Variants in PAAF1 observed in about 807,000 individuals in gnomAD.
The protein encoded by PAAF1 is proteasomal ATPase associated factor 1.
Under a neutral mutation model 52.8 loss-of-function variants are expected in PAAF1, and 46 were observed. That is an observed-to-expected ratio of 0.87 (90% CI 0.69 to 1.11). The LOEUF is 1.11. Ranked by LOEUF, PAAF1 falls within the 50% of genes most tolerant of loss-of-function variation. The pLI, the probability that PAAF1 is intolerant of heterozygous loss-of-function variation, is 0.00. For synonymous variants in PAAF1, 178 were observed against 172.8 expected (o/e 1.03, Z -0.24); for missense variants, 424 against 477.4 (o/e 0.89, Z 1.04).
intron 8 of PAAF1, 48 bp downstream of exon 8, chr11:73,914,552 C>T: frequency 2.0e-6 from 3 of 1,518,078 alleles, no homozygotes; most frequent in Non-Finnish European, 2.7e-6. Flanking sequence ...ACCTGGGTCA[C>T]TCTGTGTCTT....
At chr11:73,878,067 G>C (rs1948792793) in intron 1 of PAAF1, among the ~76,000 whole-genome samples, 1 of 152,162 alleles carries the variant, frequency 6.6e-6, no homozygotes, top group Admixed American at 6.5e-5. Context: ...TGGTGAAGAT[G>C]AATGAAACAT....
At chr11:73,914,048 A>C (rs1481908791) in intron 7 of PAAF1, among the ~76,000 whole-genome samples, 4 of 152,162 alleles carry the variant, frequency 2.6e-5, no homozygotes, top group Non-Finnish European at 4.4e-5. Flanking sequence ...ACAACATACT[A>C]GACTCTGTCT....
At chr11:73,923,911 A>C (rs1213915102) in intron 10 of PAAF1, among the ~76,000 whole-genome samples, 2 of 152,110 alleles carry the variant, frequency 1.3e-5, no homozygotes, top group Non-Finnish European at 2.9e-5. Context: ...GAACATTTTA[A>C]TAGGGAATAT....
intron 2 of PAAF1, among the ~76,000 whole-genome samples, chr11:73,886,132 G>A (rs976881807): frequency 6.6e-6 from 1 of 152,090 alleles, no homozygotes; most frequent in Non-Finnish European, 1.5e-5. Context: ...ATCTTACTTA[G>A]CCCATATCTC....
In PAAF1 at chr11:73,893,754, A is replaced by G. The variant is rs964880587; in HGVS notation, c.282+2553A>G. 1.5e-3 allele frequency among the ~76,000 whole-genome samples: 227 copies of G among 151,062 alleles called. 1 individual carries two copies. The highest frequency in any genetic ancestry group is 5.4e-3 in the African/African-American group (224 of 41,218). ...CTCTGTCTCCAAAAAAAAAAAAAAAAAAAAAAAGAAAGAAAAAACTAAACG... is the reference window on the plus strand; with the variant it reads ...CTCTGTCTCCAAAAAAAAAAAAAAAGAAAAAAAGAAAGAAAAAACTAAACG... On this transcript the variant is annotated intron_variant, in intron 4 of 11. Coordinates refer to ENST00000310571, the MANE Select transcript of PAAF1 (RefSeq NM_025155.3).
At chr11:73,904,778 T>C (rs571129731) in intron 6 of PAAF1, among the ~76,000 whole-genome samples, 13 of 152,354 alleles carry the variant, frequency 8.5e-5, no homozygotes, top group African/African-American at 2.9e-4. Flanking sequence ...CCTGGGAATA[T>C]GAAATTTGCT....
In PAAF1 at chr11:73,909,505, C is replaced by T; in HGVS notation, c.639C>T (p.Val213=). Residue 213 remains valine, a synonymous_variant, in exon 7 of 12, where the codon GTC becomes GTT. Coordinates refer to ENST00000310571, the MANE Select transcript of PAAF1 (RefSeq NM_025155.3). The stretch of plus-strand genomic sequence containing the variant: ...GTGGGCGCTCAGCCTGCTTGGGAGT[C>T]CTTGCAGATTGTGGTTCTTCTATCA... ...WDCGRSACLG[V]LADCGSSING... is the part of the protein sequence containing the mutation. 1 of 1,614,138 alleles carries T rather than the reference C, an allele frequency of 6.2e-7. No individual in the cohort carries two copies. The highest frequency in any genetic ancestry group is 8.5e-7 in the Non-Finnish European group (1 of 1,180,032).
At chr11:73,888,598 T>A (rs1280413979) in intron 3 of PAAF1, among the ~76,000 whole-genome samples, 1 of 152,228 alleles carries the variant, frequency 6.6e-6, no homozygotes, top group Admixed American at 6.5e-5. Context: ...AAAAAATATT[T>A]TGGGTATACT....
rs914043571 is a variant in PAAF1 at position 73,916,577 on chromosome 11, C to T, written c.852C>T (p.Asn284=). ...VFLFIGSDAF[N]CCTFLSGFLL... ...TCTTTATTGGCTCAGACGCTTTCAA[C>T]TGCTGTACTTTTCTCTCTGGCTTCT... Residue 284 remains asparagine (N), a synonymous_variant, in exon 9 of 12, where the codon AAC becomes AAT. Coordinates refer to ENST00000310571, the MANE Select transcript of PAAF1 (RefSeq NM_025155.3). 2.5e-6 allele frequency: 4 copies of T among 1,613,818 alleles called. No individual in the cohort carries two copies. Among genetic ancestry groups the T allele is most frequent in the African/African-American group, 2.7e-5 (2 of 74,926 alleles).
chr11:73,895,925 A>AG (rs1949335317), intron 4 of PAAF1, among the ~76,000 whole-genome samples: 1 of 152,172 alleles, frequency 6.6e-6, no homozygotes, highest in Non-Finnish European at 1.5e-5. Flanking sequence ...TGGGCAACAT[A>AG]GGGGGACCCC....
intron 8 of PAAF1, among the ~76,000 whole-genome samples, chr11:73,914,796 C>A (rs1181047793): frequency 6.6e-6 from 1 of 151,482 alleles, no homozygotes; most frequent in East Asian, 1.9e-4. Flanking sequence ...CAACCTCCAC[C>A]TCCTAGGTTC....
Position 73,900,400 on chromosome 11 carries a change from C to G in PAAF1, c.512C>G (p.Thr171Ser). The G allele has an allele frequency of 1.2e-6, 2 of 1,609,876 alleles. No individual in the cohort carries two copies. Among genetic ancestry groups the G allele is most frequent in the Non-Finnish European group, 1.7e-6 (2 of 1,177,204 alleles). ...GCTGAAGATGCTAGCTGCGTGGTGACCTTCAAAGGTCACAAAGGAGGTATG... is the reference window on the plus strand; with the variant it reads ...GCTGAAGATGCTAGCTGCGTGGTGAGCTTCAAAGGTCACAAAGGAGGTATG... ...WSAEDASCVV[T>S]FKGHKGGILD... Residue 171 changes from threonine to serine, a missense_variant, in exon 6 of 12, where the codon ACC becomes AGC. Thr to Ser is a moderately conservative substitution (Grantham distance 58). Coordinates refer to ENST00000310571, the MANE Select transcript of PAAF1 (RefSeq NM_025155.3).
intron 2 of PAAF1, among the ~76,000 whole-genome samples, chr11:73,882,060 T>A (rs1468590456): frequency 2.0e-5 from 3 of 151,690 alleles, no homozygotes; most frequent in Non-Finnish European, 4.4e-5. Flanking sequence ...TTTTTTTTTT[T>A]AATAGAGACA....
At chr11:73,896,209 C>G (rs1591066795) in intron 4 of PAAF1, among the ~76,000 whole-genome samples, 1 of 146,842 alleles carries the variant, frequency 6.8e-6, no homozygotes, top group African/African-American at 2.5e-5. Context: ...TGTATATTTT[C>G]TATAGCTATA....
Position 73,909,553 on chromosome 11 carries a change from T to C in PAAF1, c.687T>C (p.Ala229=), listed in dbSNP as rs772713018. Residue 229 remains alanine (A), a synonymous_variant, in exon 7 of 12, where the codon GCT becomes GCC. Coordinates refer to ENST00000310571, the MANE Select transcript of PAAF1 (RefSeq NM_025155.3). ...SSINGVAVGA[A]DNSINLGSPE... Reference sequence around the variant, plus strand: ...TCAATGGAGTGGCGGTGGGTGCTGCTGACAACTCCATAAACCTTGGCTCCC... The same window carrying C: ...TCAATGGAGTGGCGGTGGGTGCTGCCGACAACTCCATAAACCTTGGCTCCC... 1.3e-5 allele frequency: 21 copies of C among 1,614,188 alleles called. No individual in the cohort carries two copies. The South Asian group carries it at 2.1e-4, about 16-fold the overall frequency.
At chr11:73,896,094 G>A (rs144610920) in intron 4 of PAAF1, among the ~76,000 whole-genome samples, 84 of 152,256 alleles carry the variant, frequency 5.5e-4, no homozygotes, top group Middle Eastern at 3.4e-3. Flanking sequence ...GAGCAACAGA[G>A]TGAGACCCTG....
In PAAF1 at chr11:73,909,419, G is replaced by A. The variant is rs529999547; in HGVS notation, c.553G>A (p.Val185Ile). Residue 185 changes from valine (V) to isoleucine (I), a missense_variant, in exon 7 of 12, where the codon GTT (valine) becomes ATT (isoleucine). Coordinates refer to ENST00000310571, the MANE Select transcript of PAAF1 (RefSeq NM_025155.3). Reference sequence around the variant, plus strand: ...GCTAGGTATCCTGGATACAGCCATCGTTGATCGGGGGAGGAATGTGGTGTC... The same window carrying A: ...GCTAGGTATCCTGGATACAGCCATCATTGATCGGGGGAGGAATGTGGTGTC... ...HKGGILDTAI[V>I]DRGRNVVSAS... is the part of the protein sequence containing the mutation. The A allele has an allele frequency of 3.3e-5, 53 of 1,613,978 alleles. No individual in the cohort carries two copies. In the Middle Eastern group the frequency reaches 1.8e-3, roughly 55 times the overall value.
intron 4 of PAAF1, among the ~76,000 whole-genome samples, chr11:73,895,617 T>C (rs1162668027): frequency 6.6e-6 from 1 of 152,224 alleles, no homozygotes; most frequent in Non-Finnish European, 1.5e-5. Flanking sequence ...AAAGCCAAAG[T>C]CCCTACTTTT....
chr11:73,880,327 TG>T (rs1948857973), intron 2 of PAAF1: 2 of 151,938 alleles, frequency 1.3e-5, no homozygotes, highest in Non-Finnish European at 2.9e-5. Flanking sequence ...CATATACATA[TG>T]TATACTTAAC....
Sources: gnomAD v4.1 joint callset for allele counts (sites outside exome capture counted in the v4.1 genomes callset) on GRCh38, gnomAD v4.1.1 for gene constraint, MANE v1.5 for transcripts, NCBI Gene and HGNC (gene_info 2026-07-23, HGNC 2026-07-21) for gene names.